The following AP4E1 variants were observed in gnomAD, a reference collection of about 807,000 sequenced individuals.
AP4E1 encodes the protein AP-4 complex subunit epsilon-1.
AP4E1 carries 56 observed loss-of-function variants against 128.2 expected under a neutral mutation model. The observed-to-expected ratio is 0.44, with a 90% CI of 0.35 to 0.55. AP4E1 has a LOEUF of 0.55. Ranked by LOEUF, AP4E1 falls within the 20% of genes least tolerant of loss-of-function variation. The pLI, the probability that AP4E1 is intolerant of heterozygous loss-of-function variation, is 0.00. For synonymous variants in AP4E1, 484 were observed against 473.1 expected (o/e 1.02, Z -0.30); for missense variants, 1,324 against 1,307.7 (o/e 1.01, Z -0.19).
chr15:50,907,810 G>C (rs1357259842), upstream of AP4E1, among the ~76,000 whole-genome samples: 1 of 152,198 alleles, frequency 6.6e-6, no homozygotes, highest in East Asian at 1.9e-4. Context: ...CAGCGACCCT[G>C]AGGTCACCAG....
At chr15:50,917,765 C>G (rs981014892) in intron 3 of AP4E1, among the ~76,000 whole-genome samples, 1 of 152,038 alleles carries the variant, frequency 6.6e-6, no homozygotes, top group South Asian at 2.1e-4. Context: ...TTTGAGGATC[C>G]CTGCAATGAC....
chr15:50,975,090 T>C (rs1054072885), intron 15 of AP4E1, among the ~76,000 whole-genome samples: 6 of 152,294 alleles, frequency 3.9e-5, no homozygotes, highest in African/African-American at 1.2e-4. Flanking sequence ...CATGAAATTA[T>C]TGTAAAGACC....
chr15:50,939,934 C>T (rs2141172688), intron 8 of AP4E1, among the ~76,000 whole-genome samples: 1 of 152,280 alleles, frequency 6.6e-6, no homozygotes, highest in East Asian at 1.9e-4. Flanking sequence ...ATGGAGGTTT[C>T]TGTCGCATAT....
At chr15:50,915,301 T>C in intron 2 of AP4E1, 147 bp from the exon 3 acceptor site, 1 of 779,270 alleles carries the variant, frequency 1.3e-6, no homozygotes, top group Non-Finnish European at 2.0e-6. Flanking sequence ...ATTTATAAAG[T>C]CTGATATTGG....
chr15:50,970,612 GTCTT>G (rs1270044560), intron 15 of AP4E1, among the ~76,000 whole-genome samples: 2 of 152,088 alleles, frequency 1.3e-5, no homozygotes, highest in South Asian at 2.1e-4. Context: ...ATTGTACAGT[GTCTT>G]TCTTTGTCTC....
At chr15:50,991,962 CT>C (rs61161776) in intron 16 of AP4E1, among the ~76,000 whole-genome samples, 29,809 of 126,488 alleles carry the variant, frequency 0.24, 3,004 homozygotes, top group African/African-American at 0.26. Flanking sequence ...ACACATAGTT[CT>C]TTTTTTTTTT....
intron 5 of AP4E1, 56 bp from the exon 6 acceptor site, chr15:50,928,953 A>G: frequency 6.4e-7 from 1 of 1,568,532 alleles, no homozygotes; most frequent in South Asian, 1.1e-5. Context: ...TAATCTTTCA[A>G]AGTAAATACT....
intron 13 of AP4E1, among the ~76,000 whole-genome samples, chr15:50,951,325 A>G (rs746453191): frequency 3.3e-5 from 5 of 152,162 alleles, no homozygotes; most frequent in Non-Finnish European, 5.9e-5. Context: ...GCATACTGTT[A>G]ACTGTAGGCT....
At chr15:50,926,472 G>A (rs146286168) in intron 5 of AP4E1, among the ~76,000 whole-genome samples, 9 of 152,090 alleles carry the variant, frequency 5.9e-5, no homozygotes, top group Admixed American at 5.9e-4. Flanking sequence ...TGCAATCATT[G>A]TGATTATGGT....
At chr15:50,971,916 G>C (rs1386635043) in intron 15 of AP4E1, among the ~76,000 whole-genome samples, 1 of 151,726 alleles carries the variant, frequency 6.6e-6, no homozygotes, top group East Asian at 1.9e-4. Flanking sequence ...CCTTAATATT[G>C]TTATTTTGAA....
Position 50,941,698 on chromosome 15 carries a change from G to A in AP4E1, c.1099G>A (p.Asp367Asn). ...GGCTCTTACCTATGTTATCCAACAG[G>A]ATCCTACTCTGGCTCTTCAACACCA... ...LKALTYVIQQ[D>N]PTLALQHQMT... is the part of the protein sequence containing the mutation. The change falls in exon 10 of 21, where the codon GAT becomes AAT. Residue 367 changes from aspartate (D) to asparagine (N), a missense_variant. Transcript: ENST00000261842. 5 of 1,613,668 alleles carry A rather than the reference G, an allele frequency of 3.1e-6. No individual in the cohort carries two copies. Among genetic ancestry groups the A allele is most frequent in the Non-Finnish European group, 4.2e-6 (5 of 1,179,772 alleles).
At chr15:50,921,449 A>G (rs1201612592) in intron 3 of AP4E1, among the ~76,000 whole-genome samples, 1 of 151,926 alleles carries the variant, frequency 6.6e-6, no homozygotes, top group Non-Finnish European at 1.5e-5. Context: ...CCTGGGTTCA[A>G]ACGATTCTTA....
chr15:50,978,688 T>C (rs1318341266), intron 15 of AP4E1, among the ~76,000 whole-genome samples: 1 of 152,224 alleles, frequency 6.6e-6, no homozygotes, highest in Non-Finnish European at 1.5e-5. Context: ...TGAATTGCCC[T>C]CATTCTTCAT....
Position 51,001,056 on chromosome 15 carries a change from G to A in AP4E1, c.3126G>A (p.Gly1042=), listed in dbSNP as rs1260005530. ...RPLKISSDDF[G]KLWLSFANDV... ...TAAAAATCTCAAGTGACGACTTTGG[G>A]AAACTCTGGTTATCCTTCGCAAATG... The change falls in exon 20 of 21, where the codon GGG becomes GGA. Residue 1042 remains glycine (G), a synonymous_variant. Transcript: ENST00000261842. 6.2e-7 allele frequency: 1 copy of A among 1,613,128 alleles called. No individual in the cohort carries two copies.
chr15:50,919,896 G>C (rs535608772), intron 3 of AP4E1, among the ~76,000 whole-genome samples: 3 of 151,870 alleles, frequency 2.0e-5, no homozygotes, highest in Admixed American at 6.6e-5. Flanking sequence ...GGCCAGCATG[G>C]TGAAACCCCA....
At chr15:50,908,972 G>T (rs1277906734) in intron 1 of AP4E1, 44 bp downstream of exon 1, 2 of 1,604,984 alleles carry the variant, frequency 1.2e-6, no homozygotes, top group Non-Finnish European at 1.7e-6. Context: ...TCGGAGTGAG[G>T]CCCCCGCGCC....
rs146832617 is a variant in AP4E1 at position 50,934,626 on chromosome 15, C to T, written c.872C>T (p.Thr291Ile). The T allele has an allele frequency of 1.7e-5, 27 of 1,601,896 alleles. No homozygotes were observed. The African/African-American group carries it at 3.5e-4, about 21-fold the overall frequency. The stretch of plus-strand genomic sequence containing the variant: ...CAAATAAAATATCTTTTAAACAGGA[C>T]AAGTGAATTAATGTATGATGTTCTT... Reference protein sequence around the residue: ...LGLLGKDDQRTSELMYDVLDE... With the variant: ...LGLLGKDDQRISELMYDVLDE... Residue 291 changes from threonine to isoleucine, a missense_variant and splice_region_variant, in exon 8 of 21, where the codon ACA (threonine) becomes ATA (isoleucine). By Grantham distance (89) the Thr-to-Ile change is moderately conservative (BLOSUM62 -1). Coordinates refer to ENST00000261842, the MANE Select transcript of AP4E1 (RefSeq NM_007347.5).
At chr15:50,947,385 C>T (rs545628196) in intron 10 of AP4E1, among the ~76,000 whole-genome samples, 1 of 145,864 alleles carries the variant, frequency 6.9e-6, no homozygotes, top group African/African-American at 2.5e-5. Context: ...CACTGCACTA[C>T]AGCCTGGATG....
rs71127168 is a variant in AP4E1, at chr15:50,962,889, C to CAAAAAAAAAAAAAAAA, written c.1851+4107_1851+4122dup. Among the ~76,000 whole-genome samples the CAAAAAAAAAAAAAAAA allele has an allele frequency of 5.2e-4, 20 of 38,714 alleles. 2 individuals carry two copies. Among genetic ancestry groups the CAAAAAAAAAAAAAAAA allele is most frequent in the African/African-American group, 2.1e-3 (18 of 8,724 alleles). 25.4% of individuals were successfully genotyped at this position (38,714 alleles called of 152,430 possible). On this transcript the variant is annotated intron_variant, in intron 14 of 20. Transcript: ENST00000261842. ...ATATATAAGGAACTCAATTCAACAG[C>CAAAAAAAAAAAAAAAA]AAAAAAAAAAAAAAAAAAAAAAAAA...
Sources: allele counts gnomAD v4.1 joint callset (sites outside exome capture counted in the v4.1 genomes callset), GRCh38; gene constraint gnomAD v4.1.1; transcripts MANE v1.5; gene names NCBI Gene and HGNC (gene_info 2026-07-23, HGNC 2026-07-21).